ARMC9: variants seen among roughly 807,000 people sequenced by gnomAD.
ARMC9 encodes the protein armadillo repeat containing 9.
In ARMC9, 94 loss-of-function variants were observed where a neutral mutation model predicts 107.0. The ratio of observed to expected loss-of-function variants is 0.88; its 90% CI spans 0.74 to 1.04. The LOEUF is 1.04. Among genes scored for constraint, ARMC9 ranks in the 50% least tolerant of loss-of-function variants. The pLI, the probability that ARMC9 is intolerant of heterozygous loss-of-function variation, is 0.00. For synonymous variants in ARMC9, 380 were observed against 396.9 expected (o/e 0.96, Z 0.51); for missense variants, 942 against 1,030.1 (o/e 0.91, Z 1.17).
intron 19 of ARMC9, among the ~76,000 whole-genome samples, chr2:231,328,838 G>A (rs1171617669): frequency 2.6e-5 from 2 of 77,764 alleles, no homozygotes; most frequent in African/African-American, 8.9e-5. Context: ...TTTTTGAGTC[G>A]GAGTCTTGCT....
intron 23 of ARMC9, among the ~76,000 whole-genome samples, chr2:231,361,288 T>C (rs892630095): frequency 6.6e-6 from 1 of 151,704 alleles, no homozygotes; most frequent in Non-Finnish European, 1.5e-5. Context: ...GGCTCAGAGG[T>C]CACTTCCTGA....
rs890105658 is a variant in ARMC9, at chr2:231,359,864, C to A, written c.2132-890C>A. Reference sequence around the variant, plus strand: ...AAAGAGAATTATCTGGAAGTCAAAGCCCCTTGCTACAGGGAAACCTGCAGG... The same window carrying A: ...AAAGAGAATTATCTGGAAGTCAAAGACCCTTGCTACAGGGAAACCTGCAGG... On this transcript the variant is annotated intron_variant, in intron 22 of 24. Coordinates refer to ENST00000611582, the MANE Select transcript of ARMC9 (RefSeq NM_001352754.2). 3.3e-5 allele frequency among the ~76,000 whole-genome samples: 5 copies of A among 152,168 alleles called. 1 individual carries two copies. The highest frequency in any genetic ancestry group is 1.2e-4 in the African/African-American group (5 of 41,432).
At chr2:231,355,978 TGTCTAGAACCTAC>T (rs1305289347) in intron 22 of ARMC9, 44 bp downstream of exon 22, 1 of 1,505,584 alleles carries the variant, frequency 6.6e-7, no homozygotes, top group African/African-American at 1.4e-5. Flanking sequence ...GGGATTGTGA[TGTCTAGAACCTAC>T]GCAAAACAGC....
At chr2:231,296,359 C>T (rs1184722111) in intron 19 of ARMC9, 106 bp downstream of exon 19, 4 of 968,744 alleles carry the variant, frequency 4.1e-6, no homozygotes, top group Non-Finnish European at 6.3e-6. Flanking sequence ...ATTCCTGCTA[C>T]ACTATTTCTC....
chr2:231,337,296 T>A (rs1427491269), intron 20 of ARMC9, among the ~76,000 whole-genome samples: 40 of 105,050 alleles, frequency 3.8e-4, no homozygotes, highest in African/African-American at 1.8e-3. Flanking sequence ...ATATATTTTT[T>A]TTTTTTTTTT....
chr2:231,359,435 G>A (rs888604431), intron 22 of ARMC9, among the ~76,000 whole-genome samples: 1 of 152,090 alleles, frequency 6.6e-6, no homozygotes, highest in Admixed American at 6.5e-5. Flanking sequence ...TGTGGCCTGT[G>A]CTGGAGGAAG....
intron 7 of ARMC9, among the ~76,000 whole-genome samples, chr2:231,231,739 A>G (rs2035242320): frequency 6.6e-6 from 1 of 151,260 alleles, no homozygotes; most frequent in African/African-American, 2.4e-5. Context: ...CCCAGCATGG[A>G]GTGCAGTGGC....
intron 9 of ARMC9, among the ~76,000 whole-genome samples, chr2:231,240,738 A>G (rs567487055): frequency 7.2e-5 from 11 of 152,298 alleles, no homozygotes; most frequent in African/African-American, 2.4e-4. Context: ...AGTTGAGTCA[A>G]TAATGTCCTT....
intron 10 of ARMC9, among the ~76,000 whole-genome samples, chr2:231,257,116 T>A (rs950328002): frequency 1.3e-5 from 2 of 152,202 alleles, no homozygotes; most frequent in Admixed American, 1.3e-4. Context: ...CGCCTGGCCA[T>A]CTTATATTGT....
chr2:231,258,946 C>A (rs754420501), intron 10 of ARMC9, 45 bp from the exon 11 acceptor site: 19 of 1,506,078 alleles, frequency 1.3e-5, no homozygotes, highest in Non-Finnish European at 1.5e-5. Context: ...AATAAACATG[C>A]CCTTTTGCCC....
chr2:231,266,177 A>C lies in ARMC9; in HGVS notation c.1119+3779A>C, dbSNP rs567920317. On this transcript the variant is annotated intron_variant, in intron 12 of 24. Transcript: ENST00000611582. ...ATTCCTCTCCCATAGTGGTTCTCAAAGTTTAACATGCATCGTTATCTCCTG... is the reference window on the plus strand; with the variant it reads ...ATTCCTCTCCCATAGTGGTTCTCAACGTTTAACATGCATCGTTATCTCCTG... Among the ~76,000 whole-genome samples the C allele has an allele frequency of 2.0e-4, 31 of 152,284 alleles. 1 individual carries two copies. Among genetic ancestry groups the C allele is most frequent in the African/African-American group, 7.2e-4 (30 of 41,560 alleles).
chr2:231,277,129 C>T (rs534621453), intron 15 of ARMC9, among the ~76,000 whole-genome samples: 5 of 152,218 alleles, frequency 3.3e-5, no homozygotes, highest in South Asian at 2.1e-4. Context: ...TTAAGCTGGC[C>T]GCAGTAGCAG....
Position 231,374,695 on chromosome 2 carries a change from C to G in ARMC9, c.*3160C>G, listed in dbSNP as rs929717058. Reference sequence around the variant, plus strand: ...CAAGTCTGGCCCTGTACTTGGATGACCCCACCTGGCTTGTCTAACCCTAAT... The same window carrying G: ...CAAGTCTGGCCCTGTACTTGGATGAGCCCACCTGGCTTGTCTAACCCTAAT... On this transcript the variant is annotated 3_prime_UTR_variant, in exon 25 of 25. Transcript: ENST00000611582. 5 of 152,144 alleles carry G rather than the reference C, an allele frequency of 3.3e-5. No individual in the cohort carries two copies. The highest frequency in any genetic ancestry group is 4.8e-5 in the African/African-American group (2 of 41,420). 9.4% of individuals were successfully genotyped at this position (152,144 alleles called of 1,614,324 possible). A position where few individuals can be genotyped will look rare whatever the true frequency, so the allele number is the denominator to read the frequency against.
In ARMC9 at chr2:231,373,223, G is replaced by C. The variant is rs2046094437; in HGVS notation, c.*1688G>C. 6.6e-6 allele frequency: 1 copy of C among 152,314 alleles called. No homozygotes were observed. 9.4% of individuals were successfully genotyped at this position (152,314 alleles called of 1,614,324 possible). On this transcript the variant is annotated 3_prime_UTR_variant, in exon 25 of 25. Transcript: ENST00000611582. This position sits in a 1 kb window ranked among gnomAD's most constrained non-coding sequence, Gnocchi z 4.4. ...GCCCCTGGTGTCAGTGGTGCAGACA[G>C]AGGAAAAGCAGAGGGTCCGCAAAAT...
intron 19 of ARMC9, among the ~76,000 whole-genome samples, chr2:231,312,434 TC>T (rs1014778905): frequency 2.0e-5 from 3 of 152,150 alleles, no homozygotes; most frequent in Non-Finnish European, 2.9e-5. Context: ...AATAGACCCT[TC>T]CCTGCATGGG....
chr2:231,214,198 C>T (rs1300665440), intron 3 of ARMC9, among the ~76,000 whole-genome samples: 1 of 152,284 alleles, frequency 6.6e-6, no homozygotes, highest in African/African-American at 2.4e-5. Flanking sequence ...CTTCCTCCAT[C>T]TCCAGCCTTC....
intron 17 of ARMC9, among the ~76,000 whole-genome samples, chr2:231,283,540 C>T (rs2040371105): frequency 6.6e-6 from 1 of 152,178 alleles, no homozygotes; most frequent in East Asian, 1.9e-4. Context: ...GGCGATTCTC[C>T]TGTCTCAGCC....
chr2:231,284,746 A>G (rs553673996), intron 17 of ARMC9, among the ~76,000 whole-genome samples: 2 of 152,318 alleles, frequency 1.3e-5, no homozygotes, highest in Admixed American at 6.5e-5. Flanking sequence ...GGAACCAAGG[A>G]TGTGACTACC....
intron 14 of ARMC9, 65 bp from the exon 15 acceptor site, chr2:231,276,571 A>T: frequency 6.2e-7 from 1 of 1,604,106 alleles, no homozygotes; most frequent in Non-Finnish European, 8.5e-7. Context: ...CTTCCAGCCT[A>T]CTGTTTCCTC....
Sources: allele counts gnomAD v4.1 joint callset (sites outside exome capture counted in the v4.1 genomes callset), GRCh38; gene constraint gnomAD v4.1.1; non-coding constraint Gnocchi (gnomAD v3.1); transcripts MANE v1.5; gene names NCBI Gene and HGNC (gene_info 2026-07-23, HGNC 2026-07-21).